GRIN2B: variants seen among roughly 807,000 people sequenced by gnomAD.
GRIN2B encodes the protein glutamate receptor ionotropic, NMDA 2B.
GRIN2B carries 5 observed loss-of-function variants against 114.5 expected under a neutral mutation model. The ratio of observed to expected loss-of-function variants is 0.04; its 90% CI spans 0.02 to 0.09. GRIN2B has a LOEUF of 0.09. Among genes scored for constraint, GRIN2B ranks in the 10% least tolerant of loss-of-function variants. GRIN2B has a pLI of 1.00. For synonymous variants in GRIN2B, 787 were observed against 745.1 expected, an observed-to-expected ratio of 1.06 and a Z score of -0.92; for missense variants, 1,108 against 1,943.5, an observed-to-expected ratio of 0.57 and a Z score of 8.08.
chr12:13,592,270 A>T (rs1565466470), intron 10 of GRIN2B, among the ~76,000 whole-genome samples: 1 of 152,166 alleles, frequency 6.6e-6, no homozygotes, highest in Non-Finnish European at 1.5e-5. Context: ...CATTGTTCTA[A>T]GAAGTGGCTA....
chr12:13,784,222 TCAAAAAA>T (rs1363400038), intron 3 of GRIN2B, among the ~76,000 whole-genome samples: 3 of 26,760 alleles, frequency 1.1e-4, no homozygotes, highest in Admixed American at 6.1e-4. Context: ...AGACTTCGCC[TCAAAAAA>T]AAAAAAAAAA....
intron 2 of GRIN2B, among the ~76,000 whole-genome samples, chr12:13,873,777 C>A (rs144625023): frequency 5.3e-5 from 8 of 152,212 alleles, no homozygotes; most frequent in Non-Finnish European, 7.4e-5. Flanking sequence ...ACCCACATGA[C>A]AATAAACAGG....
chr12:13,729,992 T>C (rs1863058607), intron 4 of GRIN2B, among the ~76,000 whole-genome samples: 1 of 151,912 alleles, frequency 6.6e-6, no homozygotes, highest in Non-Finnish European at 1.5e-5. Flanking sequence ...TATTTTTTTT[T>C]TTTTTTTTAA....
At chr12:13,924,403 C>G (rs1179324930) in intron 2 of GRIN2B, among the ~76,000 whole-genome samples, 2 of 152,144 alleles carry the variant, frequency 1.3e-5, no homozygotes, top group Non-Finnish European at 2.9e-5. Context: ...CCCTGCTCCC[C>G]CAAAGAAGAA....
chr12:13,560,480 TGTTCGCTAGGTTA>T lies in GRIN2B; in HGVS notation c.*2290_*2302del, dbSNP rs1326625544. The T allele has an allele frequency of 6.6e-6, 1 of 152,270 alleles. No individual in the cohort carries two copies. Among genetic ancestry groups the T allele is most frequent in the Non-Finnish European group, 1.5e-5 (1 of 68,068 alleles). 9.4% of individuals were successfully genotyped at this position (152,270 alleles called of 1,614,324 possible). On this transcript the variant is annotated 3_prime_UTR_variant, in exon 14 of 14. Coordinates refer to ENST00000609686, the MANE Select transcript of GRIN2B (RefSeq NM_000834.5). ...AAGAGCTCCCTTGGTTCTAGATTGC[TGTTCGCTAGGTTA>T]GTTGGTTTGGTTTTTTTGTTTGAAA... is the stretch of plus-strand genomic sequence containing the variant.
At chr12:13,652,792 T>C (rs1949827717) in intron 5 of GRIN2B, among the ~76,000 whole-genome samples, 1 of 152,140 alleles carries the variant, frequency 6.6e-6, no homozygotes, top group South Asian at 2.1e-4. Context: ...CTGCTCTAGA[T>C]TGTTATTACT....
intron 2 of GRIN2B, among the ~76,000 whole-genome samples, chr12:13,974,250 C>T (rs1234919756): frequency 6.6e-6 from 1 of 152,182 alleles, no homozygotes; most frequent in Non-Finnish European, 1.5e-5. Flanking sequence ...TAATGGCCAT[C>T]AACAGAGTTA....
chr12:13,797,322 CT>C (rs1283577400), intron 3 of GRIN2B, among the ~76,000 whole-genome samples: 1 of 152,166 alleles, frequency 6.6e-6, no homozygotes, highest in Non-Finnish European at 1.5e-5. Context: ...TCCCCACCCC[CT>C]AATACATCAT....
At chr12:13,731,087 C>T (rs1863080556) in intron 4 of GRIN2B, among the ~76,000 whole-genome samples, 2 of 152,162 alleles carry the variant, frequency 1.3e-5, no homozygotes, top group South Asian at 4.1e-4. Flanking sequence ...ATACTCTTCT[C>T]CTGAGACAAC....
chr12:13,817,086 G>C (rs1172096100), intron 3 of GRIN2B, among the ~76,000 whole-genome samples: 2 of 151,446 alleles, frequency 1.3e-5, no homozygotes, highest in Non-Finnish European at 2.9e-5. Context: ...TTTGGTGCAG[G>C]ATTTTTTTTT....
chr12:13,587,390 C>T (rs2136435368), intron 10 of GRIN2B, among the ~76,000 whole-genome samples: 1 of 143,236 alleles, frequency 7.0e-6, no homozygotes, highest in Non-Finnish European at 1.5e-5. Context: ...TAGGGTCTTG[C>T]TCTGTTGCCC....
At chr12:13,694,536 T>C (rs1950241849) in intron 4 of GRIN2B, among the ~76,000 whole-genome samples, 1 of 151,466 alleles carries the variant, frequency 6.6e-6, no homozygotes, top group Non-Finnish European at 1.5e-5. Flanking sequence ...TGACTCATTT[T>C]GTTGAAGTCA....
intron 5 of GRIN2B, among the ~76,000 whole-genome samples, chr12:13,638,641 CTGTT>C (rs1949686061): frequency 6.6e-6 from 1 of 152,114 alleles, no homozygotes; most frequent in South Asian, 2.1e-4. Context: ...GAGTCCATCT[CTGTT>C]TGAACTCTCA....
chr12:13,600,137 C>T (rs1183426392), intron 10 of GRIN2B, among the ~76,000 whole-genome samples: 1 of 152,122 alleles, frequency 6.6e-6, no homozygotes, highest in Non-Finnish European at 1.5e-5. Context: ...CATAGGGATA[C>T]CTTTCTAAGA....
At chr12:13,855,529 C>T (rs866201442) in intron 3 of GRIN2B, among the ~76,000 whole-genome samples, 1 of 152,166 alleles carries the variant, frequency 6.6e-6, no homozygotes. Context: ...TCGGGAGTCT[C>T]ACACTCTAAG....
At chr12:13,819,309 T>C (rs996031008) in intron 3 of GRIN2B, among the ~76,000 whole-genome samples, 1 of 152,176 alleles carries the variant, frequency 6.6e-6, no homozygotes, top group African/African-American at 2.4e-5. Context: ...TATATTCCTG[T>C]TGTTTGCACC....
intron 2 of GRIN2B, among the ~76,000 whole-genome samples, chr12:13,892,343 C>CA (rs752527044): frequency 6.6e-6 from 1 of 152,238 alleles, no homozygotes. Context: ...ATGTCAAATC[C>CA]AATATAATGT....
At chr12:13,607,376 A>ATATAAAATATATATTATATAT (rs1949286880) in intron 10 of GRIN2B, among the ~76,000 whole-genome samples, 2 of 36,280 alleles carry the variant, frequency 5.5e-5, no homozygotes, top group African/African-American at 1.8e-4. Flanking sequence ...ATTATATATT[A>ATATAAAATATATATTATATAT]TATATATAAT....
At chr12:13,796,945 C>A (rs1742436066) in intron 3 of GRIN2B, among the ~76,000 whole-genome samples, 1 of 152,160 alleles carries the variant, frequency 6.6e-6, no homozygotes, top group South Asian at 2.1e-4. Context: ...CAATATGATT[C>A]CTCTACCTCT....
Sources: allele counts gnomAD v4.1 joint callset (sites outside exome capture counted in the v4.1 genomes callset), GRCh38; gene constraint gnomAD v4.1.1; transcripts MANE v1.5; gene names NCBI Gene and HGNC (gene_info 2026-07-23, HGNC 2026-07-21).